The following GRM5 variants were observed in gnomAD, a reference collection of about 807,000 sequenced individuals.
GRM5 encodes the protein glutamate metabotropic receptor 5.
Under a neutral mutation model 83.1 loss-of-function variants are expected in GRM5, and 19 were observed. That is an observed-to-expected ratio of 0.23 (90% CI 0.16 to 0.34). The LOEUF (loss-of-function observed/expected upper bound fraction) is 0.34. GRM5 is among the 10% of genes least tolerant of loss of function. GRM5 has a pLI of 1.00. For missense variants in GRM5, 1,160 were observed against 1,588.3 expected, an observed-to-expected ratio of 0.73 and a Z score of 4.58; for synonymous variants, 675 against 633.6, an observed-to-expected ratio of 1.07 and a Z score of -0.98.
intron 2 of GRM5, among the ~76,000 whole-genome samples, chr11:88,967,570 A>G (rs1214985519): frequency 2.6e-5 from 4 of 152,004 alleles, no homozygotes; most frequent in Non-Finnish European, 5.9e-5. Flanking sequence ...TTATAAGGAC[A>G]CTACTCCTGC....
intron 3 of GRM5, among the ~76,000 whole-genome samples, chr11:88,775,440 T>A (rs924275628): frequency 2.0e-5 from 3 of 152,202 alleles, no homozygotes; most frequent in African/African-American, 7.2e-5. Flanking sequence ...TCTATCTCCT[T>A]CAGTTCTGCT....
chr11:88,857,175 G>T (rs1024350718), intron 2 of GRM5, among the ~76,000 whole-genome samples: 4 of 151,968 alleles, frequency 2.6e-5, no homozygotes, highest in Admixed American at 1.3e-4. Flanking sequence ...TAGCAAACTT[G>T]CTCTCCAACA....
chr11:88,719,228 C>A (rs1278674333), intron 3 of GRM5, among the ~76,000 whole-genome samples: 3 of 151,932 alleles, frequency 2.0e-5, no homozygotes, highest in Non-Finnish European at 4.4e-5. Context: ...TACCCTCCAC[C>A]CTCTGAAACA....
At chr11:88,594,437 G>A (rs1242243966) in intron 6 of GRM5, among the ~76,000 whole-genome samples, 1 of 152,176 alleles carries the variant, frequency 6.6e-6, no homozygotes, top group African/African-American at 2.4e-5. Flanking sequence ...CTCTGCCACT[G>A]TAGCAGGAAA....
intron 4 of GRM5, among the ~76,000 whole-genome samples, chr11:88,636,275 G>T (rs894151766): frequency 6.6e-6 from 1 of 152,212 alleles, no homozygotes; most frequent in Non-Finnish European, 1.5e-5. Flanking sequence ...ACTTTGGGAG[G>T]CCAAGGTGGG....
chr11:88,882,956 T>C (rs1208001665), intron 2 of GRM5, among the ~76,000 whole-genome samples: 1 of 152,172 alleles, frequency 6.6e-6, no homozygotes, highest in African/African-American at 2.4e-5. Flanking sequence ...ATGCTCTCTC[T>C]CCTGCCTGCC....
chr11:88,847,540 A>G (rs1944320500), intron 3 of GRM5, among the ~76,000 whole-genome samples: 2 of 152,192 alleles, frequency 1.3e-5, no homozygotes. Flanking sequence ...GAGAGTACTG[A>G]GGACCACACT....
chr11:88,537,089 C>G (rs975558222), intron 8 of GRM5, among the ~76,000 whole-genome samples: 1 of 152,110 alleles, frequency 6.6e-6, no homozygotes, highest in Admixed American at 6.6e-5. Context: ...TAACAACTTA[C>G]TTTTTCTTTA....
chr11:89,044,124 G>C (rs143993000), intron 2 of GRM5, among the ~76,000 whole-genome samples: 4,553 of 152,196 alleles, frequency 0.03, 217 homozygotes, highest in African/African-American at 0.1. Context: ...GTTTGCAAAA[G>C]TACTAAGGCA....
chr11:88,509,573 A>T, intron 9 of GRM5, 69 bp from the exon 10 acceptor site: 2 of 1,172,134 alleles, frequency 1.7e-6, no homozygotes, highest in South Asian at 2.6e-5. Context: ...CGCTTCCCCA[A>T]TGGTGGTTGC....
At chr11:88,519,597 G>A (rs966400863) in intron 9 of GRM5, among the ~76,000 whole-genome samples, 6 of 152,058 alleles carry the variant, frequency 3.9e-5, no homozygotes, top group Admixed American at 1.3e-4. Flanking sequence ...AATAAATGTT[G>A]GCTGCTTTTA....
chr11:88,974,853 A>T (rs1431680856), intron 2 of GRM5, among the ~76,000 whole-genome samples: 1 of 152,206 alleles, frequency 6.6e-6, no homozygotes, highest in Non-Finnish European at 1.5e-5. Context: ...AAAAATAGGA[A>T]AGACAAAACT....
rs150068000 is a variant in GRM5, at chr11:88,650,434, C to G, written c.1147+2734G>C. On this transcript the variant is annotated intron_variant, in intron 4 of 9. Transcript: ENST00000305447. ...AAAGAGGATACCAGCTTTCCAAAAA[C>G]ATGAAAAGGAGCTTAACTTTGAAAT... 6.0e-3 allele frequency among the ~76,000 whole-genome samples: 910 copies of G among 151,966 alleles called. 11 individuals carry two copies. The East Asian group carries it at 0.065, about 11-fold the overall frequency.
intron 3 of GRM5, among the ~76,000 whole-genome samples, chr11:88,676,073 G>T (rs1383604322): frequency 2.0e-5 from 3 of 152,014 alleles, no homozygotes; most frequent in African/African-American, 7.2e-5. Context: ...GGATCATTAG[G>T]AAAGTCAAAG....
At chr11:88,656,479 C>A (rs76809133) in intron 3 of GRM5, among the ~76,000 whole-genome samples, 1 of 152,156 alleles carries the variant, frequency 6.6e-6, no homozygotes, top group South Asian at 2.1e-4. Flanking sequence ...GAGTGGTACA[C>A]ATTTGAGACT....
chr11:89,040,980 G>A (rs148817941), intron 2 of GRM5, among the ~76,000 whole-genome samples: 30 of 152,256 alleles, frequency 2.0e-4, no homozygotes, highest in African/African-American at 7.0e-4. Context: ...GCTGTACACT[G>A]GAACATAAAC....
intron 3 of GRM5, among the ~76,000 whole-genome samples, chr11:88,665,377 T>C (rs2135323732): frequency 6.6e-6 from 1 of 152,272 alleles, no homozygotes; most frequent in Admixed American, 6.5e-5. Flanking sequence ...TAAGAGACCT[T>C]GATTTCTGTA....
intron 2 of GRM5, among the ~76,000 whole-genome samples, chr11:89,043,083 T>C (rs1941567941): frequency 6.6e-6 from 1 of 152,204 alleles, no homozygotes; most frequent in African/African-American, 2.4e-5. Flanking sequence ...CACCTCATTT[T>C]TATAAAGAAG....
chr11:88,787,957 TTCA>T (rs1943105164), intron 3 of GRM5, among the ~76,000 whole-genome samples: 1 of 152,168 alleles, frequency 6.6e-6, no homozygotes, highest in Non-Finnish European at 1.5e-5. Context: ...TATGCCTGTC[TTCA>T]TCATTATACA....
Sources: gnomAD v4.1 joint callset for allele counts (sites outside exome capture counted in the v4.1 genomes callset) on GRCh38, gnomAD v4.1.1 for gene constraint, MANE v1.5 for transcripts, NCBI Gene and HGNC (gene_info 2026-07-23, HGNC 2026-07-21) for gene names.